STRBP: variants seen among roughly 807,000 people sequenced by gnomAD.
STRBP encodes spermatid perinuclear RNA binding protein.
A neutral mutation model predicts 80.1 loss-of-function variants in STRBP; 13 were observed. The observed-to-expected ratio is 0.16, with a 90% CI of 0.11 to 0.26. The LOEUF (loss-of-function observed/expected upper bound fraction) is 0.26. Ranked by LOEUF, STRBP falls within the 10% of genes least tolerant of loss-of-function variation. The pLI is 1.00. For missense variants in STRBP, 485 were observed against 815.2 expected (o/e 0.59, Z 4.93); for synonymous variants, 284 against 291.2 (o/e 0.98, Z 0.25).
At chr9:123,196,853 A>G (rs552133546) in intron 2 of STRBP, among the ~76,000 whole-genome samples, 124 of 152,316 alleles carry the variant, frequency 8.1e-4, no homozygotes, top group African/African-American at 1.6e-3. Flanking sequence ...TAAACATGGA[A>G]CTACTATATG....
intron 2 of STRBP, among the ~76,000 whole-genome samples, chr9:123,198,556 C>A (rs1169403003): frequency 3.9e-5 from 6 of 151,964 alleles, no homozygotes; most frequent in African/African-American, 1.5e-4. Flanking sequence ...GTGTGGGTTG[C>A]CTGTTTACTC....
At chr9:123,174,022 A>C (rs1315542664) in intron 4 of STRBP, among the ~76,000 whole-genome samples, 180 bp from the exon 5 acceptor site, 1 of 152,232 alleles carries the variant, frequency 6.6e-6, no homozygotes, top group Non-Finnish European at 1.5e-5. Context: ...TCTTCCCTCA[A>C]GGAGTCAATG....
At chr9:123,253,760 A>G (rs1048409863) in intron 1 of STRBP, among the ~76,000 whole-genome samples, 2 of 152,236 alleles carry the variant, frequency 1.3e-5, no homozygotes, top group African/African-American at 4.8e-5. Flanking sequence ...ATAGCATAAG[A>G]AGGATACTCT....
intron 1 of STRBP, among the ~76,000 whole-genome samples, chr9:123,266,442 C>G (rs1177380249): frequency 2.0e-5 from 3 of 151,958 alleles, no homozygotes; most frequent in Admixed American, 6.6e-5. Flanking sequence ...GTCCCCCCAC[C>G]CCTCAATCTC....
chr9:123,239,888 C>A (rs2040656981), intron 1 of STRBP, among the ~76,000 whole-genome samples: 1 of 152,176 alleles, frequency 6.6e-6, no homozygotes. Flanking sequence ...CTTATCTTCA[C>A]AGCAGACCTA....
Position 123,136,355 on chromosome 9 carries a change from A to C in STRBP, c.1632+26T>G, listed in dbSNP as rs543931001. The C allele has an allele frequency of 2.5e-6, 4 of 1,612,484 alleles. No homozygotes were observed. The East Asian group carries it at 6.7e-5, about 27-fold the overall frequency. On this transcript the variant is annotated intron_variant, in intron 15 of 18. Coordinates refer to ENST00000348403, the MANE Select transcript of STRBP (RefSeq NM_018387.5). This position sits in a 1 kb window ranked among gnomAD's most constrained non-coding sequence, Gnocchi z 4.2. ...TCCTATGTCTTTGAGAAGAAAGATA[A>C]GGCTGGCTTGTGTCTGGGTACACAC...
At chr9:123,180,033 C>T (rs1485977287) in intron 3 of STRBP, among the ~76,000 whole-genome samples, 3 of 152,032 alleles carry the variant, frequency 2.0e-5, no homozygotes, top group Admixed American at 6.6e-5. Context: ...GTGGGAGGAT[C>T]GCTTGAAGGC....
At chr9:123,131,198 A>G (rs985555012) in intron 17 of STRBP, among the ~76,000 whole-genome samples, 7 of 152,176 alleles carry the variant, frequency 4.6e-5, no homozygotes, top group African/African-American at 1.7e-4. Context: ...GCTCACACCT[A>G]TCCCTACCTC....
In STRBP at chr9:123,132,984, A is replaced by G. The variant is rs768701826; in HGVS notation, c.1774-16T>C. ...CGCCCTTTGCCTGTTAAAATAACAC[A>G]TTTTCATTACTGAAAGAAATAAGAA... On this transcript the variant is annotated splice_polypyrimidine_tract_variant and intron_variant, in intron 16 of 18. Transcript: ENST00000348403. 1 of 1,608,232 alleles carries G rather than the reference A, an allele frequency of 6.2e-7. No individual in the cohort carries two copies. Among genetic ancestry groups the G allele is most frequent in the Non-Finnish European group, 8.5e-7 (1 of 1,177,164 alleles).
At chr9:123,151,811 A>T (rs2037068419) in intron 11 of STRBP, among the ~76,000 whole-genome samples, 1 of 152,148 alleles carries the variant, frequency 6.6e-6, no homozygotes, top group African/African-American at 2.4e-5. Flanking sequence ...AGTCATAAGG[A>T]AGGAAAACTA....
At chr9:123,134,502 C>A (rs1026491513) in intron 16 of STRBP, among the ~76,000 whole-genome samples, 1 of 152,188 alleles carries the variant, frequency 6.6e-6, no homozygotes, top group African/African-American at 2.4e-5. Flanking sequence ...AATAAACCAA[C>A]CCACATATCC....
chr9:123,247,426 T>G (rs955377090), intron 1 of STRBP, among the ~76,000 whole-genome samples: 3 of 152,022 alleles, frequency 2.0e-5, no homozygotes, highest in Non-Finnish European at 4.4e-5. Context: ...CGCCACCCCA[T>G]CTGGCTAATT....
intron 1 of STRBP, among the ~76,000 whole-genome samples, chr9:123,266,955 C>T (rs557252354): frequency 6.6e-6 from 1 of 151,952 alleles, no homozygotes; most frequent in African/African-American, 2.4e-5. Context: ...GACCTGTCCA[C>T]CTTCCCCTCC....
intron 18 of STRBP, among the ~76,000 whole-genome samples, chr9:123,127,884 G>A (rs1183092726): frequency 6.6e-6 from 1 of 152,228 alleles, no homozygotes; most frequent in East Asian, 1.9e-4. Flanking sequence ...AGGCAGCCAA[G>A]CTAGCAACTG....
chr9:123,142,785 T>C (rs574235440), intron 13 of STRBP, among the ~76,000 whole-genome samples: 2 of 152,348 alleles, frequency 1.3e-5, no homozygotes, highest in African/African-American at 4.8e-5. Context: ...AGCTCTGGTT[T>C]TCTTTGGCAG....
chr9:123,231,339 T>C (rs1485658165), intron 2 of STRBP, among the ~76,000 whole-genome samples: 1 of 152,252 alleles, frequency 6.6e-6, no homozygotes, highest in Non-Finnish European at 1.5e-5. Flanking sequence ...AGTCCAATCC[T>C]AAAGTCAGTA....
At chr9:123,186,825 T>TA (rs10534355) in intron 2 of STRBP, among the ~76,000 whole-genome samples, 2,883 of 142,218 alleles carry the variant, frequency 0.02, 50 homozygotes, top group East Asian at 0.081. Context: ...TTTCTTTTTT[T>TA]AAAAAAAAAA....
At chr9:123,205,296 C>A (rs1426439635) in intron 2 of STRBP, among the ~76,000 whole-genome samples, 1 of 152,072 alleles carries the variant, frequency 6.6e-6, no homozygotes, top group Non-Finnish European at 1.5e-5. Flanking sequence ...TATTCTCTGT[C>A]CTCCTCTGTC....
intron 1 of STRBP, among the ~76,000 whole-genome samples, chr9:123,260,427 G>T (rs2041136067): frequency 6.6e-6 from 1 of 152,174 alleles, no homozygotes; most frequent in African/African-American, 2.4e-5. Context: ...TATTTTACAT[G>T]TTATTTCATT....
Sources: gnomAD v4.1 joint callset for allele counts (sites outside exome capture counted in the v4.1 genomes callset) on GRCh38, gnomAD v4.1.1 for gene constraint, Gnocchi (gnomAD v3.1) non-coding constraint, MANE v1.5 for transcripts, NCBI Gene and HGNC (gene_info 2026-07-23, HGNC 2026-07-21) for gene names.